The following TPR variants were observed in gnomAD, a reference collection of about 807,000 sequenced individuals.
TPR encodes nucleoprotein TPR.
Under a neutral mutation model 316.1 loss-of-function variants are expected in TPR, and 51 were observed. The ratio of observed to expected loss-of-function variants is 0.16; its 90% CI spans 0.13 to 0.20. TPR has a LOEUF of 0.20. Ranked by LOEUF, TPR falls within the 10% of genes least tolerant of loss-of-function variation. The pLI is 1.00. For missense variants in TPR, 2,272 were observed against 2,754.8 expected, an observed-to-expected ratio of 0.82 and a Z score of 3.92; for synonymous variants, 981 against 914.7, an observed-to-expected ratio of 1.07 and a Z score of -1.31.
intron 21 of TPR, among the ~76,000 whole-genome samples, chr1:186,347,955 T>C (rs960373804): frequency 6.6e-6 from 1 of 152,222 alleles, no homozygotes; most frequent in Non-Finnish European, 1.5e-5. Flanking sequence ...AGGATGTATG[T>C]CACCTCAAGA....
chr1:186,344,192 T>C (rs1658606510), intron 25 of TPR, 102 bp from the exon 26 acceptor site: 1 of 1,427,482 alleles, frequency 7.0e-7, no homozygotes, highest in Non-Finnish European at 9.4e-7. Context: ...CCCGACTACT[T>C]GGGAGGCTGA....
intron 2 of TPR, among the ~76,000 whole-genome samples, chr1:186,372,881 T>C (rs1659576563): frequency 6.6e-6 from 1 of 152,178 alleles, no homozygotes; most frequent in African/African-American, 2.4e-5. Flanking sequence ...TTCATAGATA[T>C]TTATAAAAAT....
intron 25 of TPR, 43 bp downstream of exon 25, chr1:186,344,332 C>T: frequency 6.3e-7 from 1 of 1,587,430 alleles, no homozygotes; most frequent in Non-Finnish European, 8.6e-7. Flanking sequence ...AAAAACAACT[C>T]TTTCAATTCA....
At position 186,311,978 on chromosome 1, in the gene TPR, CTATT is replaced by C; in HGVS notation, c.*1989_*1992del. ...TATATAACTATGTAATTTGCTGCAT[CTATT>C]CATTCAACAAGTATTTCAGTTTAAT... On this transcript the variant is annotated 3_prime_UTR_variant, in exon 51 of 51. Coordinates refer to ENST00000367478, the MANE Select transcript of TPR (RefSeq NM_003292.3). 5.2e-6 allele frequency: 3 copies of C among 576,250 alleles called. 1 individual carries two copies. In the South Asian group the frequency reaches 6.9e-5, roughly 13 times the overall value. The allele number at this position is 576,250 out of a possible 1,614,324, so 35.7% of individuals were successfully genotyped here. A position where few individuals can be genotyped will look rare whatever the true frequency, so the allele number is the denominator to read the frequency against.
intron 18 of TPR, among the ~76,000 whole-genome samples, chr1:186,353,191 T>G (rs1412484678): frequency 6.6e-6 from 1 of 151,986 alleles, no homozygotes; most frequent in East Asian, 1.9e-4. Flanking sequence ...GCTAACACAG[T>G]GAAACCCCAT....
In TPR at chr1:186,347,412, T is replaced by C. The variant is rs1211849854; in HGVS notation, c.2823A>G (p.Leu941=). ...KEDVDDLVSQ[L]RQTEEQVNDL... is the part of the protein sequence containing the mutation. ...CATTCACCTGCTCTTCTGTCTGTCT[T>C]AGCTGACTCACAAGATCATCCACAT... Residue 941 remains leucine (L), a synonymous_variant, in exon 22 of 51, where the codon CTA becomes CTG. Transcript: ENST00000367478. 6.2e-7 allele frequency: 1 copy of C among 1,614,056 alleles called. No homozygotes were observed. Among genetic ancestry groups the C allele is most frequent in the Admixed American group, 1.7e-5 (1 of 60,028 alleles).
At position 186,335,493 on chromosome 1, in the gene TPR, C is replaced by T. The variant is rs1658312147; in HGVS notation, c.4756G>A (p.Gly1586Arg). ...KENEELKQRN[G>R]ALDQQKDELD... is the part of the protein sequence containing the mutation. The stretch of plus-strand genomic sequence containing the variant: ...TCATCTTTCTGCTGATCTAAGGCTC[C>T]ATTCCTTTGTTTAAGCTCCTCATTT... Residue 1586 changes from glycine (G) to arginine (R), a missense_variant, in exon 34 of 51, where the codon GGA (glycine) becomes AGA (arginine). Gly to Arg is a moderately radical substitution (Grantham distance 125). Coordinates refer to ENST00000367478, the MANE Select transcript of TPR (RefSeq NM_003292.3). 6.2e-7 allele frequency: 1 copy of T among 1,613,044 alleles called. No individual in the cohort carries two copies. Among genetic ancestry groups the T allele is most frequent in the Non-Finnish European group, 8.5e-7 (1 of 1,179,506 alleles).
intron 49 of TPR, among the ~76,000 whole-genome samples, chr1:186,316,321 T>C (rs1657611765): frequency 6.6e-6 from 1 of 152,188 alleles, no homozygotes; most frequent in Non-Finnish European, 1.5e-5. Context: ...TATTACATAA[T>C]GTATAGAAAT....
At chr1:186,325,511 A>G (rs1230488033) in intron 42 of TPR, 5 of 311,846 alleles carry the variant, frequency 1.6e-5, no homozygotes, top group Non-Finnish European at 2.3e-5. Flanking sequence ...TATAGCATTT[A>G]TAATACCGTA....
intron 33 of TPR, among the ~76,000 whole-genome samples, 193 bp from the exon 34 acceptor site, chr1:186,335,736 ATACT>A (rs1048215490): frequency 6.6e-6 from 1 of 152,148 alleles, no homozygotes; most frequent in South Asian, 2.1e-4. Flanking sequence ...AATATAAAAT[ATACT>A]TACTCCAACA....
rs962974807 is a variant in TPR at position 186,323,599 on chromosome 1, G to A, written c.6297+87C>T. 7 of 1,150,394 alleles carry A rather than the reference G, an allele frequency of 6.1e-6. No homozygotes were observed. The African/African-American group carries it at 9.7e-5, about 16-fold the overall frequency. The allele number at this position is 1,150,394 out of a possible 1,614,324, so 71.3% of individuals were successfully genotyped here. A position where few individuals can be genotyped will look rare whatever the true frequency, so the allele number is the denominator to read the frequency against. On this transcript the variant is annotated intron_variant, in intron 43 of 50. Transcript: ENST00000367478. ...GGGATTGCTAATTTAAAAAAACCAAGAGAGAGAGAGAAATACATAATGGAA... is the reference window on the plus strand; with the variant it reads ...GGGATTGCTAATTTAAAAAAACCAAAAGAGAGAGAGAAATACATAATGGAA...
At chr1:186,369,461 C>T (rs1425783380) in intron 3 of TPR, among the ~76,000 whole-genome samples, 2 of 152,024 alleles carry the variant, frequency 1.3e-5, no homozygotes, top group Non-Finnish European at 2.9e-5. Context: ...ATGAATCTTT[C>T]ACCTCCCAGG....
At chr1:186,353,246 C>T (rs1002435049) in intron 18 of TPR, among the ~76,000 whole-genome samples, 1 of 151,988 alleles carries the variant, frequency 6.6e-6, no homozygotes, top group Non-Finnish European at 1.5e-5. Context: ...GTGGCGGGCA[C>T]CTGTAGTCCC....
At chr1:186,355,325 T>A in intron 17 of TPR, 85 bp downstream of exon 17, 15 of 1,445,764 alleles carry the variant, frequency 1.0e-5, no homozygotes, top group Middle Eastern at 2.5e-4. Flanking sequence ...GCAACACTAT[T>A]GCAAATTAGC....
Position 186,351,969 on chromosome 1 carries a change from TG to T in TPR, c.2469+6del. On this transcript the variant is annotated splice_donor_region_variant and intron_variant, in intron 19 of 50. Coordinates refer to ENST00000367478, the MANE Select transcript of TPR (RefSeq NM_003292.3). ...ATTTTTTCTACATAGGCTTTTTATT[TG>T]GTTACCTGAATTGTTTGCAGATTAG... 1 of 1,584,782 alleles carries T rather than the reference TG, an allele frequency of 6.3e-7. No individual in the cohort carries two copies. Among genetic ancestry groups the T allele is most frequent in the Non-Finnish European group, 8.5e-7 (1 of 1,172,042 alleles).
At chr1:186,361,304 A>G (rs1287886395) in intron 9 of TPR, among the ~76,000 whole-genome samples, 1 of 152,044 alleles carries the variant, frequency 6.6e-6, no homozygotes, top group Non-Finnish European at 1.5e-5. Context: ...TCTTATTTAT[A>G]AAGTAAGAGT....
intron 33 of TPR, 84 bp downstream of exon 33, chr1:186,336,412 T>C: frequency 7.5e-7 from 1 of 1,329,132 alleles, no homozygotes. Context: ...AGTAGATACC[T>C]TTTATTTCTA....
intron 31 of TPR, 66 bp downstream of exon 31, chr1:186,337,967 C>T: frequency 3.0e-6 from 4 of 1,330,750 alleles, no homozygotes; most frequent in Non-Finnish European, 4.0e-6. Flanking sequence ...TTCAAAATTA[C>T]AAAGAAATAA....
chr1:186,337,404 G>A (rs920087383), intron 31 of TPR, among the ~76,000 whole-genome samples: 2 of 152,004 alleles, frequency 1.3e-5, no homozygotes, highest in African/African-American at 4.8e-5. Context: ...ACACTTAACT[G>A]TATTTTCATG....
Sources: gnomAD v4.1 joint callset for allele counts (sites outside exome capture counted in the v4.1 genomes callset) on GRCh38, gnomAD v4.1.1 for gene constraint, MANE v1.5 for transcripts, NCBI Gene and HGNC (gene_info 2026-07-23, HGNC 2026-07-21) for gene names.